CHL1: variants seen among roughly 807,000 people sequenced by gnomAD.
CHL1 encodes the protein neural cell adhesion molecule L1-like protein.
In CHL1, 96 loss-of-function variants were observed where a neutral mutation model predicts 141.9. That is an observed-to-expected ratio of 0.68 (90% CI 0.57 to 0.80). CHL1 has a LOEUF of 0.80. CHL1 is among the 30% of genes least tolerant of loss of function. The pLI is 0.00. For missense variants in CHL1, 1,820 were observed against 1,457.2 expected (o/e 1.25, Z -4.05); for synonymous variants, 613 against 502.2 (o/e 1.22, Z -2.95).
chr3:289,265 A>G (rs1697446680), intron 2 of CHL1, among the ~76,000 whole-genome samples: 1 of 152,220 alleles, frequency 6.6e-6, no homozygotes. Flanking sequence ...TCTTAAAGAC[A>G]TAAAAACTTG....
chr3:334,312 T>C (rs1701692820), intron 5 of CHL1, among the ~76,000 whole-genome samples: 1 of 152,162 alleles, frequency 6.6e-6, no homozygotes, highest in African/African-American at 2.4e-5. Context: ...GCTGGGATTA[T>C]TGGCACATGA....
At chr3:294,879 C>T (rs954336771) in intron 2 of CHL1, among the ~76,000 whole-genome samples, 2 of 152,158 alleles carry the variant, frequency 1.3e-5, no homozygotes, top group African/African-American at 4.8e-5. Context: ...TAATTTATTC[C>T]TTTTATTCAT....
chr3:337,758 T>C (rs919506540), intron 5 of CHL1, among the ~76,000 whole-genome samples: 4 of 152,198 alleles, frequency 2.6e-5, no homozygotes, highest in Non-Finnish European at 5.9e-5. Flanking sequence ...CTTAATCCAG[T>C]CTATCATTGT....
intron 10 of CHL1, among the ~76,000 whole-genome samples, chr3:353,657 CTT>C (rs1703457436): frequency 6.6e-6 from 1 of 152,196 alleles, no homozygotes; most frequent in African/African-American, 2.4e-5. Flanking sequence ...ACATAATCCT[CTT>C]TTTCTTCCTT....
At chr3:361,643 T>G (rs1262958833) in intron 12 of CHL1, 56 bp from the exon 13 acceptor site, 1 of 1,190,144 alleles carries the variant, frequency 8.4e-7, no homozygotes, top group Non-Finnish European at 1.3e-6. Flanking sequence ...AAAATTTAAT[T>G]TGCATATCTT....
chr3:307,440 G>A (rs574843209), intron 2 of CHL1, among the ~76,000 whole-genome samples: 2 of 152,290 alleles, frequency 1.3e-5, no homozygotes, highest in African/African-American at 4.8e-5. Context: ...TTCACTAGAG[G>A]CAGATGAGAT....
chr3:268,522 G>A (rs527265033), intron 2 of CHL1, among the ~76,000 whole-genome samples: 9 of 151,672 alleles, frequency 5.9e-5, no homozygotes, highest in South Asian at 2.1e-4. Context: ...GTGACAGAGC[G>A]GGACCCCATC....
intron 1 of CHL1, among the ~76,000 whole-genome samples, chr3:232,359 G>C (rs1365094291): frequency 2.0e-5 from 3 of 152,042 alleles, no homozygotes; most frequent in Non-Finnish European, 1.5e-5. Flanking sequence ...CATTGAATTT[G>C]TACCTTTTCT....
intron 2 of CHL1, among the ~76,000 whole-genome samples, chr3:305,721 A>G (rs1454073736): frequency 6.6e-6 from 1 of 151,426 alleles, no homozygotes; most frequent in African/African-American, 2.4e-5. Flanking sequence ...AAAAATAAAT[A>G]TAAATGTCTG....
chr3:204,813 CATA>C, intron 1 of CHL1, among the ~76,000 whole-genome samples: 1 of 151,722 alleles, frequency 6.6e-6, no homozygotes, highest in Non-Finnish European at 1.5e-5. Context: ...AAAAAAAAAT[CATA>C]ATGTCTTGCA....
intron 2 of CHL1, among the ~76,000 whole-genome samples, chr3:299,616 A>T (rs971766760): frequency 3.3e-5 from 5 of 152,192 alleles, no homozygotes; most frequent in African/African-American, 4.8e-5. Context: ...TTTATAAATA[A>T]GAATTTAGTT....
intron 19 of CHL1, chr3:385,679 T>G (rs532819343): frequency 6.6e-6 from 1 of 151,972 alleles, no homozygotes; most frequent in East Asian, 1.9e-4. Flanking sequence ...AATATAAAAA[T>G]TAGCCAGGTG....
At chr3:379,651 G>A (rs1288331746) in intron 16 of CHL1, among the ~76,000 whole-genome samples, 1 of 152,048 alleles carries the variant, frequency 6.6e-6, no homozygotes, top group East Asian at 1.9e-4. Flanking sequence ...TCATTCTTGC[G>A]ATTAGGCTGC....
At chr3:253,721 A>T (rs1442103982) in intron 2 of CHL1, among the ~76,000 whole-genome samples, 3 of 152,136 alleles carry the variant, frequency 2.0e-5, no homozygotes, top group African/African-American at 7.2e-5. Context: ...CTCTATTTGA[A>T]CAAAAACTTG....
intron 11 of CHL1, among the ~76,000 whole-genome samples, chr3:356,345 T>C (rs1257897980): frequency 1.3e-5 from 2 of 152,198 alleles, no homozygotes; most frequent in African/African-American, 2.4e-5. Flanking sequence ...TTACTTAGAA[T>C]CCTCAAAAGA....
chr3:329,194 T>G (rs149207173), intron 5 of CHL1, among the ~76,000 whole-genome samples: 1 of 152,250 alleles, frequency 6.6e-6, no homozygotes, highest in East Asian at 1.9e-4. Context: ...TTACACAATT[T>G]TAGCCAAAGC....
At chr3:293,619 A>T (rs552883743) in intron 2 of CHL1, among the ~76,000 whole-genome samples, 2 of 152,184 alleles carry the variant, frequency 1.3e-5, no homozygotes, top group Admixed American at 6.5e-5. Flanking sequence ...GAAATCAAAG[A>T]CCCAGCGTCA....
intron 1 of CHL1, among the ~76,000 whole-genome samples, chr3:207,362 C>G (rs964714849): frequency 2.6e-5 from 4 of 152,118 alleles, no homozygotes; most frequent in Non-Finnish European, 4.4e-5. Flanking sequence ...TTGACCCATA[C>G]CTGCTTCTCT....
At chr3:355,468 A>G (rs892558961) in intron 11 of CHL1, among the ~76,000 whole-genome samples, 22 of 152,156 alleles carry the variant, frequency 1.4e-4, no homozygotes, top group African/African-American at 4.8e-4. Context: ...GAGTCCCCAA[A>G]TCTTCCACTG....
Sources: gnomAD v4.1 joint callset for allele counts (sites outside exome capture counted in the v4.1 genomes callset) on GRCh38, gnomAD v4.1.1 for gene constraint, MANE v1.5 for transcripts, NCBI Gene and HGNC (gene_info 2026-07-23, HGNC 2026-07-21) for gene names.